Variants in ABCA6 observed in about 807,000 individuals in gnomAD.
The protein encoded by ABCA6 is ATP-binding cassette sub-family A member 6.
ABCA6 carries 164 observed loss-of-function variants against 191.2 expected under a neutral mutation model. The observed-to-expected ratio is 0.86, with a 90% CI of 0.76 to 0.98. The LOEUF (loss-of-function observed/expected upper bound fraction) is 0.98. Ranked by LOEUF, ABCA6 falls within the 50% of genes least tolerant of loss-of-function variation. The pLI is 0.00. For missense variants in ABCA6, 1,958 were observed against 1,894.1 expected, an observed-to-expected ratio of 1.03 and a Z score of -0.63; for synonymous variants, 636 against 647.7, an observed-to-expected ratio of 0.98 and a Z score of 0.27.
intron 30 of ABCA6, 80 bp from the exon 31 acceptor site, chr17:69,085,796 G>GA: frequency 1.0e-6 from 1 of 966,298 alleles, no homozygotes; most frequent in Non-Finnish European, 1.6e-6. Context: ...GAAATCTTCT[G>GA]AGATTTCTGC....
intron 37 of ABCA6, 109 bp downstream of exon 37, chr17:69,080,957 G>T (rs574574456): frequency 1.5e-5 from 9 of 592,798 alleles, no homozygotes; most frequent in African/African-American, 1.5e-4. Context: ...TAAAAATCAT[G>T]CCCTACAGCC....
Position 69,106,159 on chromosome 17 carries a change from C to T in ABCA6, c.2442G>A (p.Glu814=). The T allele has an allele frequency of 6.2e-7, 1 of 1,613,820 alleles. No homozygotes were observed. ...TTTCAGAGAAGGAAGAGTGAGCCAG[C>T]TCCATTTCATTGAGGCTTTCTGAGT... ...IRDSESLNEM[E]LAHSSFSEMQ... The change falls in exon 19 of 39, where the codon GAG becomes GAA. Residue 814 remains glutamate, a synonymous_variant. Coordinates refer to ENST00000284425, the MANE Select transcript of ABCA6 (RefSeq NM_080284.3).
intron 10 of ABCA6, among the ~76,000 whole-genome samples, chr17:69,119,617 C>T (rs76518566): frequency 0.073 from 11,059 of 152,098 alleles, 520 homozygotes; most frequent in Admixed American, 0.15. Flanking sequence ...TGTCCAGTGA[C>T]ATCTTTTGGC....
rs1163529246 is a variant in ABCA6 at position 69,133,796 on chromosome 17, G to A, written c.636C>T (p.Phe212=). The change falls in exon 6 of 39, where the codon TTC becomes TTT. Residue 212 remains phenylalanine (F), a synonymous_variant. Coordinates refer to ENST00000284425, the MANE Select transcript of ABCA6 (RefSeq NM_080284.3). ...VTAITMKTLP[F]ITKNLLHNEM... is the part of the protein sequence containing the mutation. ...CATTGTGAAGAAGATTTTTAGTTAT[G>A]AAAGGTAATGTCTTCATAGTTATAG... 1 of 1,613,096 alleles carries A rather than the reference G, an allele frequency of 6.2e-7. No homozygotes were observed. The highest frequency in any genetic ancestry group is 8.5e-7 in the Non-Finnish European group (1 of 1,179,400).
chr17:69,127,350 GA>G (rs1445062221), intron 8 of ABCA6, among the ~76,000 whole-genome samples: 2 of 151,966 alleles, frequency 1.3e-5, no homozygotes, highest in East Asian at 3.9e-4. Context: ...ATTAAGAGAG[GA>G]AAAAAGCCAG....
intron 10 of ABCA6, 139 bp downstream of exon 10, chr17:69,123,100 A>G (rs1294707340): frequency 5.6e-6 from 2 of 354,454 alleles, no homozygotes; most frequent in African/African-American, 4.4e-5. Context: ...CCAACATGGC[A>G]CATGTATACA....
At chr17:69,084,396 A>G (rs1465998440) in intron 33 of ABCA6, 36 bp downstream of exon 33, 2 of 1,613,906 alleles carry the variant, frequency 1.2e-6, no homozygotes, top group South Asian at 2.2e-5. Context: ...GCCATACCAC[A>G]CCAGCTCTCC....
intron 32 of ABCA6, 115 bp downstream of exon 32, chr17:69,084,913 A>T: frequency 2.3e-6 from 3 of 1,306,550 alleles, no homozygotes; most frequent in Non-Finnish European, 3.0e-6. Context: ...TGCCACTGAC[A>T]CTCTGGAAAG....
chr17:69,106,593 GAAAAAA>G (rs57384424), intron 18 of ABCA6, among the ~76,000 whole-genome samples: 2 of 102,146 alleles, frequency 2.0e-5, no homozygotes, highest in African/African-American at 3.9e-5. Context: ...ACTCCATCTC[GAAAAAA>G]AAAAAAAAAA....
intron 10 of ABCA6, among the ~76,000 whole-genome samples, chr17:69,118,328 T>C (rs1270985834): frequency 6.6e-6 from 1 of 152,052 alleles, no homozygotes; most frequent in Non-Finnish European, 1.5e-5. Flanking sequence ...TCTTGCTTAT[T>C]AGTTTATGAG....
chr17:69,124,754 A>G, intron 9 of ABCA6, 134 bp downstream of exon 9: 2 of 468,316 alleles, frequency 4.3e-6, no homozygotes, highest in Non-Finnish European at 7.2e-6. Context: ...AGAACTATGA[A>G]GTAGAAATAA....
chr17:69,107,836 A>G (rs752592199), intron 17 of ABCA6, 24 bp from the exon 18 acceptor site: 5 of 1,406,262 alleles, frequency 3.6e-6, no homozygotes, highest in Non-Finnish European at 5.0e-6. Context: ...ATATGAATAG[A>G]TACTTTGGAA....
intron 6 of ABCA6, among the ~76,000 whole-genome samples, chr17:69,131,260 C>T (rs977360040): frequency 1.3e-5 from 2 of 152,102 alleles, no homozygotes; most frequent in Non-Finnish European, 2.9e-5. Context: ...CAGGACTTTG[C>T]ATCAATATGT....
intron 9 of ABCA6, among the ~76,000 whole-genome samples, chr17:69,124,359 G>GA (rs1179894341): frequency 1.3e-5 from 2 of 152,034 alleles, no homozygotes; most frequent in South Asian, 2.1e-4. Flanking sequence ...TAGAATGTGT[G>GA]AAAAAATTCT....
chr17:69,090,584 C>T (rs568246554), intron 26 of ABCA6, among the ~76,000 whole-genome samples: 1 of 152,284 alleles, frequency 6.6e-6, no homozygotes, highest in Non-Finnish European at 1.5e-5. Context: ...ATTTAAGTTT[C>T]TTGTATTAAC....
chr17:69,134,500 G>T, intron 5 of ABCA6, 139 bp downstream of exon 5: 3 of 647,916 alleles, frequency 4.6e-6, no homozygotes, highest in African/African-American at 1.8e-5. Context: ...ATAAATTTCT[G>T]TCCTTTACAA....
intron 26 of ABCA6, 148 bp downstream of exon 26, chr17:69,090,995 T>C: frequency 1.4e-6 from 1 of 739,898 alleles, no homozygotes; most frequent in East Asian, 2.9e-5. Context: ...ATTCCCCTTT[T>C]GAACATTTTC....
At chr17:69,084,712 A>G (rs1203440577) in intron 32 of ABCA6, among the ~76,000 whole-genome samples, 1 of 151,828 alleles carries the variant, frequency 6.6e-6, no homozygotes, top group Non-Finnish European at 1.5e-5. Context: ...AGGAAAAACT[A>G]GAATTCTGAA....
intron 37 of ABCA6, 69 bp from the exon 38 acceptor site, chr17:69,079,334 T>C: frequency 2.5e-6 from 3 of 1,208,636 alleles, no homozygotes; most frequent in Non-Finnish European, 3.5e-6. Flanking sequence ...TTTTTCAAAA[T>C]CATAAAGAAT....
Sources: allele counts gnomAD v4.1 joint callset (sites outside exome capture counted in the v4.1 genomes callset), GRCh38; gene constraint gnomAD v4.1.1; transcripts MANE v1.5; gene names NCBI Gene and HGNC (gene_info 2026-07-23, HGNC 2026-07-21).